NRG1: variants seen among roughly 807,000 people sequenced by gnomAD.
NRG1 encodes pro-neuregulin-1, membrane-bound isoform.
A neutral mutation model predicts 63.8 loss-of-function variants in NRG1; 18 were observed. The observed-to-expected ratio is 0.28, with a 90% confidence interval of 0.19 to 0.42. The LOEUF (loss-of-function observed/expected upper bound fraction) is 0.42. NRG1 is among the 10% of genes least tolerant of loss of function. NRG1 has a pLI of 1.00. For synonymous variants in NRG1, 302 were observed against 301.3 expected (o/e 1.00, Z -0.02); for missense variants, 762 against 814.7 (o/e 0.94, Z 0.79).
At chr8:31,665,830 C>G (rs566168936) in intron 1 of NRG1, among the ~76,000 whole-genome samples, 2 of 152,060 alleles carry the variant, frequency 1.3e-5, no homozygotes, top group Non-Finnish European at 2.9e-5. Context: ...TGCTAATTTG[C>G]TCCATTTTCA....
In NRG1 at chr8:31,787,364, AAAT is replaced by A. The variant is rs966671095; in HGVS notation, c.37+147937_37+147939del. Among the ~76,000 whole-genome samples the A allele has an allele frequency of 3.7e-4, 56 of 152,278 alleles. 1 individual carries two copies. The highest frequency in any genetic ancestry group is 1.2e-3 in the African/African-American group (49 of 41,562). On this transcript the variant is annotated intron_variant, in intron 1 of 10. Transcript: ENST00000519301. ...TCTGTTGCAGTGATAGCAGGGATTT[AAAT>A]AATGATTATCTTCTCTTTGACCTGG... is the stretch of plus-strand genomic sequence containing the variant.
chr8:32,762,841 T>C (rs1830967424), intron 11 of NRG1, among the ~76,000 whole-genome samples: 1 of 152,150 alleles, frequency 6.6e-6, no homozygotes. Flanking sequence ...GAAGAAAGCA[T>C]GGTGTGGTGA....
At chr8:32,761,676 G>A (rs957220500) in intron 11 of NRG1, among the ~76,000 whole-genome samples, 1 of 151,264 alleles carries the variant, frequency 6.6e-6, no homozygotes, top group African/African-American at 2.4e-5. Context: ...ATTCATACTT[G>A]TGTGGTAGTT....
chr8:32,276,879 C>T (rs1287551250), intron 1 of NRG1, among the ~76,000 whole-genome samples: 1 of 152,178 alleles, frequency 6.6e-6, no homozygotes. Flanking sequence ...ATCTAAGGTA[C>T]TTGCAGGTGG....
At chr8:32,505,709 G>A (rs958826093) in intron 1 of NRG1, among the ~76,000 whole-genome samples, 4 of 152,184 alleles carry the variant, frequency 2.6e-5, no homozygotes, top group Non-Finnish European at 5.9e-5. Context: ...TGAGGCACCT[G>A]CAATCACAGA....
At chr8:32,661,801 A>C (rs371666742) in intron 5 of NRG1, among the ~76,000 whole-genome samples, 1 of 152,272 alleles carries the variant, frequency 6.6e-6, no homozygotes, top group African/African-American at 2.4e-5. Context: ...ATCATATACT[A>C]TCTTAGCAGG....
intron 5 of NRG1, among the ~76,000 whole-genome samples, chr8:32,727,292 A>T (rs1359349071): frequency 6.6e-6 from 1 of 151,986 alleles, no homozygotes; most frequent in African/African-American, 2.4e-5. Flanking sequence ...GTGATATTAG[A>T]CTCTTTCCAT....
chr8:31,782,826 A>C (rs1819820077), intron 1 of NRG1, among the ~76,000 whole-genome samples: 1 of 152,156 alleles, frequency 6.6e-6, no homozygotes, highest in South Asian at 2.1e-4. Context: ...TGTGTGTCCG[A>C]CAGGCTCACA....
At chr8:32,164,113 A>C (rs1032237698) in intron 1 of NRG1, among the ~76,000 whole-genome samples, 7 of 151,352 alleles carry the variant, frequency 4.6e-5, no homozygotes, top group Non-Finnish European at 8.8e-5. Context: ...ATCCTTCTTT[A>C]TGTTCTGTTG....
intron 1 of NRG1, among the ~76,000 whole-genome samples, chr8:32,458,107 G>A (rs1362975156): frequency 1.3e-5 from 2 of 151,950 alleles, no homozygotes; most frequent in Non-Finnish European, 2.9e-5. Context: ...TAGTAGAGAC[G>A]GGGTTTCACT....
intron 1 of NRG1, among the ~76,000 whole-genome samples, chr8:32,519,913 T>A (rs542434909): frequency 6.6e-6 from 1 of 152,296 alleles, no homozygotes; most frequent in South Asian, 2.1e-4. Context: ...GCAATTGGGA[T>A]AGATTTTCAC....
At chr8:32,688,160 A>G (rs971028855) in intron 5 of NRG1, among the ~76,000 whole-genome samples, 2 of 152,218 alleles carry the variant, frequency 1.3e-5, no homozygotes, top group African/African-American at 4.8e-5. Context: ...AACAAGGCAT[A>G]AGGCTACCAA....
At chr8:31,857,293 G>T (rs139408311) in intron 1 of NRG1, among the ~76,000 whole-genome samples, 1,547 of 152,370 alleles carry the variant, frequency 0.01, 12 homozygotes, top group Middle Eastern at 0.02. Context: ...CTCTGAGCCA[G>T]GTGCGGGATA....
At position 31,671,086 on chromosome 8, in the gene NRG1, C is replaced by T. The variant is rs376268716; in HGVS notation, c.37+31655C>T. ...GGTTTTCTGTTCCTGTGTTAATTCA[C>T]CTAGGATTGTGGCCTCCAGCTCCAT... On this transcript the variant is annotated intron_variant, in intron 1 of 10. Transcript: ENST00000519301. Among the ~76,000 whole-genome samples the T allele has an allele frequency of 5.9e-5, 9 of 152,242 alleles. No homozygotes were observed. The South Asian group carries it at 8.3e-4, about 14-fold the overall frequency.
At chr8:32,450,026 C>A (rs976530714) in intron 1 of NRG1, among the ~76,000 whole-genome samples, 1 of 152,070 alleles carries the variant, frequency 6.6e-6, no homozygotes, top group Non-Finnish European at 1.5e-5. Flanking sequence ...AGTAACTGAA[C>A]TGTGATTGAA....
intron 1 of NRG1, among the ~76,000 whole-genome samples, chr8:32,346,851 A>T (rs1179057200): frequency 1.3e-5 from 2 of 148,372 alleles, no homozygotes; most frequent in Admixed American, 6.7e-5. Context: ...TTTTTTTGAG[A>T]TGGAGTCTTG....
intron 5 of NRG1, among the ~76,000 whole-genome samples, chr8:32,725,464 ATTTTTTTT>A (rs71209904): frequency 7.0e-4 from 47 of 67,580 alleles, no homozygotes; most frequent in African/African-American, 2.2e-3. Context: ...AAACTTCCTA[ATTTTTTTT>A]TTTTTTTTTT....
intron 1 of NRG1, among the ~76,000 whole-genome samples, chr8:32,432,897 G>A (rs964014585): frequency 6.6e-6 from 1 of 152,128 alleles, no homozygotes; most frequent in Admixed American, 6.6e-5. Flanking sequence ...CTTTTAAATG[G>A]TGGTCAATTA....
intron 7 of NRG1, chr8:32,749,370 C>T (rs910658140): frequency 1.4e-4 from 89 of 647,326 alleles, no homozygotes; most frequent in East Asian, 5.7e-4. Context: ...TAAAAAGAGA[C>T]GTTCCCTATG....
Sources: gnomAD v4.1 joint callset for allele counts (sites outside exome capture counted in the v4.1 genomes callset) on GRCh38, gnomAD v4.1.1 for gene constraint, MANE v1.5 for transcripts, NCBI Gene and HGNC (gene_info 2026-07-23, HGNC 2026-07-21) for gene names.